The following CHIC2 variants were observed in gnomAD, a reference collection of about 807,000 sequenced individuals.
CHIC2 encodes the protein cysteine-rich hydrophobic domain-containing protein 2.
CHIC2 carries 14 observed loss-of-function variants against 25.9 expected under a neutral mutation model. The ratio of observed to expected loss-of-function variants is 0.54; its 90% CI spans 0.36 to 0.85. The LOEUF is 0.85. Ranked by LOEUF, CHIC2 falls within the 40% of genes least tolerant of loss-of-function variation. The pLI is 0.01. For synonymous variants in CHIC2, 70 were observed against 72.0 expected (o/e 0.97, Z 0.14); for missense variants, 146 against 202.0 (o/e 0.72, Z 1.68).
the CHIC2 span, among the ~76,000 whole-genome samples, chr4:54,078,099 A>G: frequency 3.3e-5 from 5 of 152,360 alleles, no homozygotes; most frequent in East Asian, 9.6e-4. Context: ...TGTGTCTCAC[A>G]TGTGGGATTC....
the CHIC2 span, among the ~76,000 whole-genome samples, chr4:54,081,449 A>T: frequency 6.6e-6 from 1 of 152,028 alleles, no homozygotes; most frequent in African/African-American, 2.4e-5. Flanking sequence ...TATCGCTATT[A>T]TTCTCATCAT....
At chr4:54,062,949 T>C (rs951795446) in intron 1 of CHIC2, among the ~76,000 whole-genome samples, 3 of 152,226 alleles carry the variant, frequency 2.0e-5, no homozygotes, top group African/African-American at 7.2e-5. Context: ...CTTGTCATGG[T>C]GCTGTGATGG....
rs370435730 is a variant in CHIC2 at position 54,023,813 on chromosome 4, G to A, written c.331-9694C>T. ...TACGCATCAATATCTATACTGACTC[G>A]AAATATGCCTTCCATATCCTGCACC... On this transcript the variant is annotated intron_variant, in intron 3 of 5. Coordinates refer to ENST00000263921, the MANE Select transcript of CHIC2 (RefSeq NM_012110.4). Among the ~76,000 whole-genome samples the A allele has an allele frequency of 1.1e-3, 160 of 152,292 alleles. 1 individual carries two copies. Among genetic ancestry groups the A allele is most frequent in the African/African-American group, 3.6e-3 (149 of 41,566 alleles).
Position 54,009,994 on chromosome 4 carries a change from G to A in CHIC2, c.*101C>T, listed in dbSNP as rs1042828311. On this transcript the variant is annotated 3_prime_UTR_variant, in exon 6 of 6. Coordinates refer to ENST00000263921, the MANE Select transcript of CHIC2 (RefSeq NM_012110.4). ...AACAAAAACAAAAAAAACACCACAC[G>A]ATTCTGTAGAACCAATGTTATGTCA... is the stretch of plus-strand genomic sequence containing the variant. 7.1e-5 allele frequency: 43 copies of A among 604,824 alleles called. No individual in the cohort carries two copies. Among genetic ancestry groups the A allele is most frequent in the Middle Eastern group, 5.4e-4 (2 of 3,718 alleles). The allele number at this position is 604,824 out of a possible 1,614,324, so 37.5% of individuals were successfully genotyped here.
chr4:54,038,923 A>G (rs541991871), intron 3 of CHIC2, among the ~76,000 whole-genome samples: 2 of 152,314 alleles, frequency 1.3e-5, no homozygotes, highest in South Asian at 4.1e-4. Flanking sequence ...CAAGATAGAC[A>G]TACAAATCAA....
intron 3 of CHIC2, among the ~76,000 whole-genome samples, chr4:54,019,463 TC>T (rs1281040523): frequency 2.6e-5 from 4 of 152,144 alleles, no homozygotes; most frequent in Admixed American, 1.3e-4. Context: ...ATCAAAAATA[TC>T]CTCTAGTACT....
intron 3 of CHIC2, among the ~76,000 whole-genome samples, chr4:54,037,272 C>T (rs575524026): frequency 9.2e-5 from 14 of 151,964 alleles, no homozygotes; most frequent in Non-Finnish European, 1.5e-4. Context: ...TGAGTGGAGC[C>T]TGGGAAGTCT....
chr4:54,084,521 C>A, the CHIC2 span, among the ~76,000 whole-genome samples: 1 of 151,382 alleles, frequency 6.6e-6, no homozygotes, highest in East Asian at 1.9e-4. Context: ...CAGGTAAAAA[C>A]CCCTCTCAAG....
chr4:54,070,506 T>G, the CHIC2 span, among the ~76,000 whole-genome samples: 1 of 152,230 alleles, frequency 6.6e-6, no homozygotes, highest in South Asian at 2.1e-4. Flanking sequence ...CACTACAACC[T>G]CCACCTCCCG....
the CHIC2 span, among the ~76,000 whole-genome samples, chr4:54,073,314 C>T: frequency 3.9e-5 from 6 of 152,336 alleles, no homozygotes; most frequent in East Asian, 1.2e-3. Flanking sequence ...GACTCATCAA[C>T]TTGTGTGCAA....
At position 54,042,010 on chromosome 4, in the gene CHIC2, T is replaced by TA. The variant is rs769381790; in HGVS notation, c.330+6944dup. Among the ~76,000 whole-genome samples the TA allele has an allele frequency of 7.8e-3, 1,052 of 135,092 alleles. 11 individuals carry two copies. The highest frequency in any genetic ancestry group is 0.021 in the African/African-American group (768 of 36,756). 88.6% of individuals were successfully genotyped at this position (135,092 alleles called of 152,430 possible). On this transcript the variant is annotated intron_variant, in intron 3 of 5. Coordinates refer to ENST00000263921, the MANE Select transcript of CHIC2 (RefSeq NM_012110.4). Reference sequence around the variant, plus strand: ...GTATCCCAGAACTTAAAGTATAATTTAAAAAAAAAAAAAAGGAAAAAAAAA... The same window carrying TA: ...GTATCCCAGAACTTAAAGTATAATTTAAAAAAAAAAAAAAAGGAAAAAAAAA...
the CHIC2 span, among the ~76,000 whole-genome samples, chr4:54,085,833 A>G: frequency 3.3e-5 from 5 of 152,284 alleles, no homozygotes; most frequent in African/African-American, 1.2e-4. Context: ...AGGTCTGGAA[A>G]GGGAACTTGT....
At chr4:54,070,237 G>A in the CHIC2 span, among the ~76,000 whole-genome samples, 1 of 152,186 alleles carries the variant, frequency 6.6e-6, no homozygotes, top group South Asian at 2.1e-4. Flanking sequence ...GGATCATAGT[G>A]AGGAAGGCAG....
intron 3 of CHIC2, among the ~76,000 whole-genome samples, chr4:54,015,159 TA>T (rs1193416229): frequency 1.3e-5 from 2 of 152,226 alleles, no homozygotes; most frequent in Non-Finnish European, 2.9e-5. Flanking sequence ...TTAAACATGC[TA>T]AAGACACACC....
At chr4:54,036,073 T>C (rs1375517792) in intron 3 of CHIC2, among the ~76,000 whole-genome samples, 1 of 152,252 alleles carries the variant, frequency 6.6e-6, no homozygotes, top group Non-Finnish European at 1.5e-5. Context: ...TTTGTATGTT[T>C]TGAATCCCTT....
the CHIC2 span, among the ~76,000 whole-genome samples, chr4:54,076,269 G>C: frequency 6.6e-6 from 1 of 151,666 alleles, no homozygotes; most frequent in Non-Finnish European, 1.5e-5. Flanking sequence ...CTGGGCAATA[G>C]AGTGAAAATC....
chr4:54,071,340 A>G, the CHIC2 span, among the ~76,000 whole-genome samples: 1 of 152,254 alleles, frequency 6.6e-6, no homozygotes, highest in Non-Finnish European at 1.5e-5. Flanking sequence ...CACAACCTGT[A>G]TAACACATAT....
At chr4:54,059,219 A>G (rs1717261137) in intron 1 of CHIC2, among the ~76,000 whole-genome samples, 1 of 152,112 alleles carries the variant, frequency 6.6e-6, no homozygotes, top group South Asian at 2.1e-4. Context: ...CTCTCAAACT[A>G]TATGGAATAA....
Position 54,009,840 on chromosome 4 carries a change from T to C in CHIC2, c.*255A>G. 9.4e-6 allele frequency: 3 copies of C among 320,230 alleles called. No individual in the cohort carries two copies. The highest frequency in any genetic ancestry group is 1.2e-5 in the Non-Finnish European group (2 of 172,424). 19.8% of individuals were successfully genotyped at this position (320,230 alleles called of 1,614,324 possible). A position where few individuals can be genotyped will look rare whatever the true frequency, so the allele number is the denominator to read the frequency against. On this transcript the variant is annotated 3_prime_UTR_variant, in exon 6 of 6. Transcript: ENST00000263921. ...TTTTGATAATACAAAAAAGTAATCC[T>C]TGAAAATCAGAATACATAACAGAAA...
Sources: gnomAD v4.1 joint callset for allele counts (sites outside exome capture counted in the v4.1 genomes callset) on GRCh38, gnomAD v4.1.1 for gene constraint, MANE v1.5 for transcripts, NCBI Gene and HGNC (gene_info 2026-07-23, HGNC 2026-07-21) for gene names.